The following ATP2B4 variants were observed in gnomAD, a reference collection of about 807,000 sequenced individuals.
ATP2B4 encodes ATPase plasma membrane Ca2+ transporting 4.
A neutral mutation model predicts 110.3 loss-of-function variants in ATP2B4; 39 were observed. The ratio of observed to expected loss-of-function variants is 0.35; its 90% CI spans 0.27 to 0.46. The LOEUF is 0.46. Among genes scored for constraint, ATP2B4 ranks in the 20% least tolerant of loss-of-function variants. The probability of loss-of-function intolerance (pLI) is 1.00; values close to 1 mark genes in which losing one functional copy is unlikely to be tolerated. For synonymous variants in ATP2B4, 538 were observed against 571.7 expected, an observed-to-expected ratio of 0.94 and a Z score of 0.84; for missense variants, 1,135 against 1,530.9, an observed-to-expected ratio of 0.74 and a Z score of 4.32.
chr1:203,698,399 TCCA>T (rs1010626232), intron 3 of ATP2B4, 45 bp downstream of exon 3: 8 of 1,587,670 alleles, frequency 5.0e-6, no homozygotes, highest in East Asian at 4.5e-5. Context: ...CTGGGTTCTT[TCCA>T]CCACCACCAC....
At chr1:203,661,690 C>T (rs1176372115) in intron 1 of ATP2B4, among the ~76,000 whole-genome samples, 3 of 152,224 alleles carry the variant, frequency 2.0e-5, no homozygotes, top group Non-Finnish European at 4.4e-5. Flanking sequence ...TCAGAAAGCC[C>T]AGTCTGTTTC....
At chr1:203,666,812 G>A (rs1260033019) in intron 1 of ATP2B4, among the ~76,000 whole-genome samples, 1 of 152,096 alleles carries the variant, frequency 6.6e-6, no homozygotes, top group Non-Finnish European at 1.5e-5. Context: ...TTCCCTTCCT[G>A]CCCTTCTTTT....
intron 1 of ATP2B4, among the ~76,000 whole-genome samples, chr1:203,647,477 C>A (rs956766220): frequency 6.6e-6 from 1 of 151,660 alleles, no homozygotes; most frequent in Admixed American, 6.6e-5. Flanking sequence ...AAAAAACAAA[C>A]GGCTGGACAC....
intron 1 of ATP2B4, among the ~76,000 whole-genome samples, chr1:203,637,361 G>C (rs1006445620): frequency 6.6e-6 from 1 of 151,540 alleles, no homozygotes; most frequent in Non-Finnish European, 1.5e-5. Flanking sequence ...AACCCCCGGG[G>C]GGGGGCGGAG....
intron 20 of ATP2B4, chr1:203,728,254 C>T (rs1033106580): frequency 2.2e-6 from 1 of 462,930 alleles, no homozygotes; most frequent in Non-Finnish European, 4.5e-6. Context: ...GAAGCCACCC[C>T]TGCTGCTCTT....
At chr1:203,658,801 C>T (rs1042979616) in intron 1 of ATP2B4, among the ~76,000 whole-genome samples, 1 of 151,852 alleles carries the variant, frequency 6.6e-6, no homozygotes, top group African/African-American at 2.4e-5. Context: ...GTCAGGAGAT[C>T]GAGACCAGCC....
At chr1:203,685,911 G>A (rs1174794386) in intron 2 of ATP2B4, among the ~76,000 whole-genome samples, 2 of 151,916 alleles carry the variant, frequency 1.3e-5, no homozygotes, top group Non-Finnish European at 2.9e-5. Flanking sequence ...CAGAACATGG[G>A]TGCCTATGGA....
intron 20 of ATP2B4, among the ~76,000 whole-genome samples, chr1:203,736,526 C>T (rs1313214055): frequency 6.6e-6 from 1 of 152,072 alleles, no homozygotes. Context: ...TTCACCTGCC[C>T]ACTCATTGAG....
intron 11 of ATP2B4, 87 bp from the exon 12 acceptor site, chr1:203,710,790 A>T: frequency 9.5e-7 from 1 of 1,049,648 alleles, no homozygotes; most frequent in East Asian, 2.6e-5. Flanking sequence ...TAGGAATAAT[A>T]CAGAGTTGCC....
chr1:203,739,403 T>G, intron 20 of ATP2B4, 143 bp from the exon 21 acceptor site: 1 of 794,248 alleles, frequency 1.3e-6, no homozygotes, highest in Non-Finnish European at 2.0e-6. Context: ...TGATCTCTTC[T>G]GATGTGTGTT....
intron 2 of ATP2B4, among the ~76,000 whole-genome samples, chr1:203,691,260 CCTT>C (rs1665365014): frequency 6.6e-6 from 1 of 152,196 alleles, no homozygotes; most frequent in Non-Finnish European, 1.5e-5. Flanking sequence ...TGGTTTTTAA[CCTT>C]CTCATTCTTG....
At chr1:203,708,383 C>G (rs1665910775) in intron 10 of ATP2B4, among the ~76,000 whole-genome samples, 1 of 152,106 alleles carries the variant, frequency 6.6e-6, no homozygotes, top group Non-Finnish European at 1.5e-5. Context: ...GAAAGTAACC[C>G]AAAGTAGAAT....
chr1:203,702,263 T>C (rs1316202003), intron 7 of ATP2B4, among the ~76,000 whole-genome samples, 184 bp downstream of exon 7: 1 of 152,154 alleles, frequency 6.6e-6, no homozygotes, highest in Non-Finnish European at 1.5e-5. Flanking sequence ...GATCCCAATC[T>C]AAGATGGGAC....
intron 3 of ATP2B4, among the ~76,000 whole-genome samples, chr1:203,698,623 C>T (rs1164146168): frequency 2.6e-5 from 4 of 151,548 alleles, no homozygotes; most frequent in Non-Finnish European, 5.9e-5. Flanking sequence ...CCTTTTAAGA[C>T]ATTTTATTTA....
intron 20 of ATP2B4, chr1:203,728,185 AG>A: frequency 2.1e-6 from 1 of 469,306 alleles, no homozygotes; most frequent in South Asian, 1.6e-5. Flanking sequence ...CTTCCTGACA[AG>A]GAGGAAGCAA....
chr1:203,716,321 T>C (rs1258123261), intron 15 of ATP2B4, among the ~76,000 whole-genome samples: 2 of 145,244 alleles, frequency 1.4e-5, no homozygotes, highest in African/African-American at 5.0e-5. Flanking sequence ...CTTTCCCCAC[T>C]AATGAAAACA....
chr1:203,663,108 T>C (rs1042252561), intron 1 of ATP2B4, among the ~76,000 whole-genome samples: 13 of 152,190 alleles, frequency 8.5e-5, no homozygotes, highest in Non-Finnish European at 1.5e-5. Context: ...TTCCTGTTTA[T>C]ATTTTTTGGG....
At chr1:203,685,202 C>T (rs1665144008) in intron 2 of ATP2B4, among the ~76,000 whole-genome samples, 1 of 152,210 alleles carries the variant, frequency 6.6e-6, no homozygotes, top group South Asian at 2.1e-4. Flanking sequence ...AAAAATTCAG[C>T]TTCAGGCTTT....
At chr1:203,733,389 C>G (rs762575558) in intron 20 of ATP2B4, 25 of 1,613,366 alleles carry the variant, frequency 1.5e-5, no homozygotes, top group Non-Finnish European at 2.1e-5. Flanking sequence ...GTTTCATCTC[C>G]TCCTATGGGC....
Sources: allele counts gnomAD v4.1 joint callset (sites outside exome capture counted in the v4.1 genomes callset), GRCh38; gene constraint gnomAD v4.1.1; transcripts MANE v1.5; gene names NCBI Gene and HGNC (gene_info 2026-07-23, HGNC 2026-07-21).